STAB2: variants seen among roughly 807,000 people sequenced by gnomAD.
The protein encoded by STAB2 is stabilin 2, also known as stabilin-2.
Under a neutral mutation model 338.1 loss-of-function variants are expected in STAB2, and 288 were observed. The ratio of observed to expected loss-of-function variants is 0.85; its 90% CI spans 0.77 to 0.94. The LOEUF is 0.94. STAB2 is among the 40% of genes least tolerant of loss of function. STAB2 has a pLI of 0.00. For missense variants in STAB2, 3,141 were observed against 3,210.1 expected, an observed-to-expected ratio of 0.98 and a Z score of 0.52; for synonymous variants, 1,202 against 1,193.3, an observed-to-expected ratio of 1.01 and a Z score of -0.15.
intron 36 of STAB2, among the ~76,000 whole-genome samples, 193 bp from the exon 37 acceptor site, chr12:103,705,439 A>G (rs901490802): frequency 1.3e-5 from 2 of 152,242 alleles, no homozygotes; most frequent in East Asian, 1.9e-4. Flanking sequence ...GGATTTTGCC[A>G]CCTGGCATTC....
intron 39 of STAB2, among the ~76,000 whole-genome samples, chr12:103,710,877 G>T: frequency 6.6e-6 from 1 of 152,074 alleles, no homozygotes; most frequent in East Asian, 1.9e-4. Context: ...TTTACTTCTG[G>T]ATCTTGTCCT....
At chr12:103,644,804 G>A (rs1318313860) in intron 9 of STAB2, among the ~76,000 whole-genome samples, 1 of 152,190 alleles carries the variant, frequency 6.6e-6, no homozygotes, top group Non-Finnish European at 1.5e-5. Context: ...AACTGAAAGA[G>A]TATAATTGGG....
chr12:103,618,634 G>A (rs758875202), intron 3 of STAB2, among the ~76,000 whole-genome samples: 21 of 152,196 alleles, frequency 1.4e-4, no homozygotes, highest in Admixed American at 3.9e-4. Context: ...GGTCACTTCA[G>A]TAGAGGAAAG....
chr12:103,717,979 C>A, intron 44 of STAB2, 138 bp downstream of exon 44: 1 of 785,306 alleles, frequency 1.3e-6, no homozygotes, highest in Non-Finnish European at 2.1e-6. Flanking sequence ...AGGCTTGTTT[C>A]TCTGGCACAC....
chr12:103,643,206 C>G (rs751494927), intron 9 of STAB2, among the ~76,000 whole-genome samples: 7 of 152,022 alleles, frequency 4.6e-5, no homozygotes, highest in Non-Finnish European at 7.4e-5. Flanking sequence ...ATTCATGAGG[C>G]CTTTACTTTC....
intron 56 of STAB2, among the ~76,000 whole-genome samples, chr12:103,744,926 T>C (rs1358111247): frequency 1.3e-5 from 2 of 152,218 alleles, no homozygotes; most frequent in African/African-American, 2.4e-5. Flanking sequence ...ACTCTGAGAC[T>C]GTAAGCCCCA....
chr12:103,604,762 G>T (rs1472257075), intron 3 of STAB2, among the ~76,000 whole-genome samples: 2 of 151,226 alleles, frequency 1.3e-5, no homozygotes, highest in East Asian at 3.9e-4. Flanking sequence ...TATTAGTCTG[G>T]CTATAAGTTC....
In STAB2 at chr12:103,758,738, CTG is replaced by C. The variant is rs568784444; in HGVS notation, c.7108-391_7108-390del. 3.1e-4 allele frequency among the ~76,000 whole-genome samples: 47 copies of C among 152,362 alleles called. No homozygotes were observed. The East Asian group carries it at 4.8e-3, about 16-fold the overall frequency. ...GAAGAACCAGGGCCACTGATGCAAT[CTG>C]TGTTCCACACCAACCTTCTTCATAT... On this transcript the variant is annotated intron_variant, in intron 64 of 68. Coordinates refer to ENST00000388887, the MANE Select transcript of STAB2 (RefSeq NM_017564.10).
chr12:103,695,635 G>A lies in STAB2; in HGVS notation c.3461G>A (p.Arg1154Gln), dbSNP rs779558888. 54 of 1,613,962 alleles carry A rather than the reference G, an allele frequency of 3.3e-5. No homozygotes were observed. The highest frequency in any genetic ancestry group is 1.4e-4 in the South Asian group (13 of 91,086). ...LEQMPDYSIF[R>Q]GYIIQYNLAN... is the part of the protein sequence containing the mutation. ...CAGATGCCTGACTATTCCATCTTCC[G>A]GGGCTACATCATTGCAAGTACCACA... Residue 1154 changes from arginine (R) to glutamine (Q), a missense_variant, in exon 32 of 69, where the codon CGG becomes CAG. Physicochemically the swap from Arg to Gln is conservative, Grantham distance 43 (BLOSUM62 1). Transcript: ENST00000388887.
chr12:103,711,670 G>C (rs1320796100), intron 40 of STAB2, among the ~76,000 whole-genome samples, 154 bp downstream of exon 40: 1 of 152,188 alleles, frequency 6.6e-6, no homozygotes, highest in African/African-American at 2.4e-5. Context: ...TATCTCTGAA[G>C]AGGCCACTAT....
In STAB2 at chr12:103,662,885, G is replaced by T. The variant is rs1481208764; in HGVS notation, c.1909G>T (p.Glu637Ter). Reference sequence around the variant, plus strand: ...AAATGATGTGGCAATGGAAGAAATTGAGATCACTGCCAAAAATGGCCGAAT... The same window carrying T: ...AAATGATGTGGCAATGGAAGAAATTTAGATCACTGCCAAAAATGGCCGAAT... ...LANDVAMEEI[E>*]ITAKNGRIYT... The change falls in exon 18 of 69, where the codon GAG becomes TAG. Residue 637 changes from glutamate to a stop codon, truncating the protein, a stop_gained. Transcript: ENST00000388887. LOFTEE classifies it high-confidence loss of function. The T allele has an allele frequency of 3.1e-6, 5 of 1,614,048 alleles. No individual in the cohort carries two copies. Among genetic ancestry groups the T allele is most frequent in the Non-Finnish European group, 4.2e-6 (5 of 1,180,036 alleles).
At chr12:103,667,378 G>A (rs548214791) in intron 19 of STAB2, among the ~76,000 whole-genome samples, 4 of 152,294 alleles carry the variant, frequency 2.6e-5, no homozygotes, top group East Asian at 1.9e-4. Context: ...GCAGCCCCAC[G>A]AGGTGGGTAT....
chr12:103,671,864 A>G (rs1244788145), intron 22 of STAB2, among the ~76,000 whole-genome samples: 1 of 152,206 alleles, frequency 6.6e-6, no homozygotes, highest in African/African-American at 2.4e-5. Flanking sequence ...CATCCTGTAT[A>G]TATTTAAATA....
chr12:103,608,652 C>T (rs561881078), intron 3 of STAB2, among the ~76,000 whole-genome samples: 3 of 152,218 alleles, frequency 2.0e-5, no homozygotes, highest in East Asian at 3.9e-4. Flanking sequence ...TTCACTCTGA[C>T]GGTAGTTTCT....
intron 28 of STAB2, 57 bp downstream of exon 28, chr12:103,688,272 A>G: frequency 6.4e-7 from 1 of 1,559,148 alleles, no homozygotes; most frequent in Non-Finnish European, 8.8e-7. Flanking sequence ...GAAACTTGGA[A>G]TGCATACAAT....
intron 37 of STAB2, among the ~76,000 whole-genome samples, chr12:103,706,385 C>T (rs1013652875): frequency 7.9e-5 from 12 of 152,136 alleles, no homozygotes; most frequent in African/African-American, 2.9e-4. Context: ...GCAGAGGCCT[C>T]CTCACCTTCA....
rs1881763847 is a variant in STAB2 at position 103,733,054 on chromosome 12, ACT to A, written c.5337_5338del (p.Phe1780LeufsTer13). 1 of 1,613,728 alleles carries A rather than the reference ACT, an allele frequency of 6.2e-7. No individual in the cohort carries two copies. The highest frequency in any genetic ancestry group is 8.5e-7 in the Non-Finnish European group (1 of 1,179,898). On this transcript the variant is annotated frameshift_variant, in exon 51 of 69. Coordinates refer to ENST00000388887, the MANE Select transcript of STAB2 (RefSeq NM_017564.10). LOFTEE classifies it high-confidence loss of function. ...VITDPIHTPV[T>X]LFWPTDQALH... ...CACCGATCCCATCCACACCCCAGTC[ACT>A]CTCTTCTGGCCCACCGACCAAGCCC...
chr12:103,635,710 C>T (rs1437909258), intron 6 of STAB2, among the ~76,000 whole-genome samples: 5 of 152,232 alleles, frequency 3.3e-5, no homozygotes, highest in African/African-American at 1.2e-4. Context: ...CTGCCCAGGC[C>T]TGAACCACAC....
At chr12:103,662,641 C>T (rs556054358) in intron 17 of STAB2, among the ~76,000 whole-genome samples, 1 of 152,326 alleles carries the variant, frequency 6.6e-6, no homozygotes, top group Admixed American at 6.5e-5. Context: ...GCATCCTTGC[C>T]TGGTGTTAGT....
Sources: gnomAD v4.1 joint callset for allele counts (sites outside exome capture counted in the v4.1 genomes callset) on GRCh38, gnomAD v4.1.1 for gene constraint, MANE v1.5 for transcripts, NCBI Gene and HGNC (gene_info 2026-07-23, HGNC 2026-07-21) for gene names.